SH3GL3: variants seen among roughly 807,000 people sequenced by gnomAD.
SH3GL3 encodes SH3 domain containing GRB2 like 3, endophilin A3, also known as endophilin-A3.
In SH3GL3, 33 loss-of-function variants were observed where a neutral mutation model predicts 47.7. The observed-to-expected ratio is 0.69, with a 90% CI of 0.52 to 0.92. The LOEUF (loss-of-function observed/expected upper bound fraction) is 0.92. SH3GL3 is among the 40% of genes least tolerant of loss of function. The pLI is 0.00. For synonymous variants in SH3GL3, 155 were observed against 148.8 expected, an observed-to-expected ratio of 1.04 and a Z score of -0.30; for missense variants, 363 against 417.8, an observed-to-expected ratio of 0.87 and a Z score of 1.14.
intron 1 of SH3GL3, among the ~76,000 whole-genome samples, chr15:83,555,076 T>G (rs561914667): frequency 2.2e-4 from 34 of 152,326 alleles, no homozygotes; most frequent in African/African-American, 7.2e-4. Context: ...CATCTCTGTT[T>G]ATTTTATGTT....
chr15:83,459,216 C>G lies in SH3GL3; in HGVS notation c.45+11638C>G, dbSNP rs368304094. On this transcript the variant is annotated intron_variant, in intron 1 of 8. Coordinates refer to ENST00000427482, the MANE Select transcript of SH3GL3 (RefSeq NM_003027.5). ...GCCTGGTTTATTCTAGCTGCGCTGT[C>G]GGCTGATTAGATGGTGTCCACCCAG... Among the ~76,000 whole-genome samples, 5 of 152,230 alleles carry G rather than the reference C, an allele frequency of 3.3e-5. No individual in the cohort carries two copies. In the East Asian group the frequency reaches 7.7e-4, roughly 23 times the overall value.
At chr15:83,453,389 T>C (rs1354666221) in intron 1 of SH3GL3, among the ~76,000 whole-genome samples, 88 of 88,264 alleles carry the variant, frequency 1.0e-3, no homozygotes, top group African/African-American at 3.9e-3. Context: ...ATGGTACCAG[T>C]TCCTCCTTGT....
rs559525561 is a variant in SH3GL3, at chr15:83,472,698, T to C, written c.45+25120T>C. 4.1e-4 allele frequency among the ~76,000 whole-genome samples: 62 copies of C among 152,354 alleles called. 1 individual carries two copies. The South Asian group carries it at 0.013, about 31-fold the overall frequency. ...TGGTTCTGTGATCTTGGTGTTGGCA[T>C]CTACTGATTGTCTTTTCTCATTCAA... On this transcript the variant is annotated intron_variant, in intron 1 of 8. Coordinates refer to ENST00000427482, the MANE Select transcript of SH3GL3 (RefSeq NM_003027.5).
rs184872200 is a variant in SH3GL3, at chr15:83,613,181, C to G, written c.839-4901C>G. On this transcript the variant is annotated intron_variant, in intron 8 of 8. Coordinates refer to ENST00000427482, the MANE Select transcript of SH3GL3 (RefSeq NM_003027.5). ...TTGGGGTGGATTTACCAACTGCCTA[C>G]TTAGCAAGTGCCAATTGCTCTTAGT... Among the ~76,000 whole-genome samples the G allele has an allele frequency of 1.4e-3, 220 of 152,350 alleles. 1 individual carries two copies. Among genetic ancestry groups the G allele is most frequent in the Admixed American group, 0.011 (175 of 15,306 alleles).
intron 1 of SH3GL3, among the ~76,000 whole-genome samples, chr15:83,462,525 C>A (rs2040354144): frequency 6.6e-6 from 1 of 152,124 alleles, no homozygotes; most frequent in Non-Finnish European, 1.5e-5. Context: ...GGAATACTAC[C>A]CAATGGCTAT....
intron 1 of SH3GL3, among the ~76,000 whole-genome samples, chr15:83,501,909 A>G (rs984202610): frequency 8.5e-5 from 13 of 152,150 alleles, no homozygotes; most frequent in African/African-American, 3.1e-4. Context: ...GAAAAGAAAA[A>G]AAAGACTTAC....
chr15:83,472,035 C>G lies in SH3GL3; in HGVS notation c.45+24457C>G, dbSNP rs573059613. On this transcript the variant is annotated intron_variant, in intron 1 of 8. Coordinates refer to ENST00000427482, the MANE Select transcript of SH3GL3 (RefSeq NM_003027.5). ...AGTAGCTGGGATTACAGGTGCCCAC[C>G]ACCACACCTGGCTAATTTTTGTACT... is the stretch of plus-strand genomic sequence containing the variant. 7.9e-5 allele frequency among the ~76,000 whole-genome samples: 12 copies of G among 152,266 alleles called. No individual in the cohort carries two copies. In the South Asian group the frequency reaches 1.7e-3, roughly 21 times the overall value.
At chr15:83,540,056 C>A (rs1294666578) in intron 1 of SH3GL3, among the ~76,000 whole-genome samples, 2 of 152,042 alleles carry the variant, frequency 1.3e-5, no homozygotes, top group African/African-American at 2.4e-5. Flanking sequence ...TAAAAATATT[C>A]TCTAATCTTC....
rs1048622458 is a variant in SH3GL3 at position 83,472,951 on chromosome 15, A to T, written c.45+25373A>T. ...TCAAGGTGGGGTCTCATTATTGCTG[A>T]GGGGGAGCGAGAGTTCCGGCCATTA... is the stretch of plus-strand genomic sequence containing the variant. On this transcript the variant is annotated intron_variant, in intron 1 of 8. Coordinates refer to ENST00000427482, the MANE Select transcript of SH3GL3 (RefSeq NM_003027.5). Among the ~76,000 whole-genome samples the T allele has an allele frequency of 5.3e-5, 8 of 152,004 alleles. No homozygotes were observed. In the East Asian group the frequency reaches 1.5e-3, roughly 29 times the overall value.
At chr15:83,463,937 T>C (rs935832595) in intron 1 of SH3GL3, among the ~76,000 whole-genome samples, 1 of 151,998 alleles carries the variant, frequency 6.6e-6, no homozygotes, top group African/African-American at 2.4e-5. Flanking sequence ...TAATTTTGTA[T>C]TTTTAGTAGA....
At chr15:83,510,314 G>A (rs1284089091) in intron 1 of SH3GL3, among the ~76,000 whole-genome samples, 2 of 152,160 alleles carry the variant, frequency 1.3e-5, no homozygotes, top group African/African-American at 4.8e-5. Context: ...GAAGAGAAAA[G>A]TGCCTCTTAT....
At chr15:83,469,374 G>A (rs1028601693) in intron 1 of SH3GL3, among the ~76,000 whole-genome samples, 2 of 151,788 alleles carry the variant, frequency 1.3e-5, no homozygotes, top group Non-Finnish European at 2.9e-5. Context: ...TAGTTTATTT[G>A]CATATTTTCC....
intron 1 of SH3GL3, among the ~76,000 whole-genome samples, chr15:83,457,650 C>T (rs937106469): frequency 2.0e-5 from 3 of 152,198 alleles, no homozygotes. Flanking sequence ...ATGCACTTTG[C>T]ACAATCCATA....
At chr15:83,485,543 G>A (rs1243702953) in intron 1 of SH3GL3, among the ~76,000 whole-genome samples, 1 of 152,152 alleles carries the variant, frequency 6.6e-6, no homozygotes, top group Non-Finnish European at 1.5e-5. Context: ...GAGTACAGCA[G>A]CATGATCATG....
chr15:83,588,906 C>T, intron 8 of SH3GL3, 135 bp downstream of exon 8: 1 of 617,802 alleles, frequency 1.6e-6, no homozygotes, highest in Non-Finnish European at 2.9e-6. Context: ...GGTAAATTCC[C>T]TTTTCCCCTA....
intron 5 of SH3GL3, among the ~76,000 whole-genome samples, chr15:83,573,834 G>A (rs1187990021): frequency 6.6e-6 from 1 of 152,248 alleles, no homozygotes; most frequent in Non-Finnish European, 1.5e-5. Flanking sequence ...CTGGCCATAT[G>A]TGGCTAAACA....
At chr15:83,567,791 T>C (rs1351927164) in intron 3 of SH3GL3, among the ~76,000 whole-genome samples, 1 of 152,106 alleles carries the variant, frequency 6.6e-6, no homozygotes, top group Non-Finnish European at 1.5e-5. Context: ...TCTATTTTTG[T>C]TTACATTTAA....
intron 6 of SH3GL3, among the ~76,000 whole-genome samples, chr15:83,583,882 A>T (rs992976224): frequency 1.3e-5 from 2 of 152,038 alleles, no homozygotes; most frequent in Admixed American, 6.5e-5. Context: ...CTTGGTTCTT[A>T]TGCGTCTCCA....
At chr15:83,577,631 AC>A (rs1286984167) in intron 6 of SH3GL3, among the ~76,000 whole-genome samples, 1 of 151,950 alleles carries the variant, frequency 6.6e-6, no homozygotes, top group East Asian at 1.9e-4. Context: ...GGCTCAAGCC[AC>A]CTACCCGACT....
Sources: gnomAD v4.1 joint callset for allele counts (sites outside exome capture counted in the v4.1 genomes callset) on GRCh38, gnomAD v4.1.1 for gene constraint, MANE v1.5 for transcripts, NCBI Gene and HGNC (gene_info 2026-07-23, HGNC 2026-07-21) for gene names.